MYBPC1: variants seen among roughly 807,000 people sequenced by gnomAD.
The protein encoded by MYBPC1 is myosin-binding protein C, slow-type.
Under a neutral mutation model 147.1 loss-of-function variants are expected in MYBPC1, and 52 were observed. The ratio of observed to expected loss-of-function variants is 0.35; its 90% CI spans 0.28 to 0.45. MYBPC1 has a LOEUF of 0.45. Ranked by LOEUF, MYBPC1 falls within the 20% of genes least tolerant of loss-of-function variation. The pLI is 1.00. For missense variants in MYBPC1, 1,228 were observed against 1,440.3 expected (o/e 0.85, Z 2.39); for synonymous variants, 477 against 475.9 (o/e 1.00, Z -0.03).
At chr12:101,682,894 T>G (rs1412198484) in intron 30 of MYBPC1, among the ~76,000 whole-genome samples, 1 of 152,190 alleles carries the variant, frequency 6.6e-6, no homozygotes, top group African/African-American at 2.4e-5. Flanking sequence ...ACCACAAGTC[T>G]CCATGAATAA....
At chr12:101,682,825 A>C (rs983962054) in intron 30 of MYBPC1, among the ~76,000 whole-genome samples, 163 bp downstream of exon 30, 3 of 152,198 alleles carry the variant, frequency 2.0e-5, no homozygotes, top group Non-Finnish European at 4.4e-5. Flanking sequence ...GGAAGGCCAA[A>C]TTATTCAAGG....
intron 1 of MYBPC1, among the ~76,000 whole-genome samples, chr12:101,600,854 A>T (rs73170771): frequency 3.9e-5 from 6 of 152,222 alleles, no homozygotes; most frequent in Non-Finnish European, 8.8e-5. Context: ...AAAGAACAGG[A>T]TTAAAGTTCT....
In MYBPC1 at chr12:101,665,816, A is replaced by G. The variant is rs116169330; in HGVS notation, c.2357-1916A>G. ...CTTTCTCATCCACTGTCTCTTGACT[A>G]TGAAAATACCAACACAGAAGCTCCC... is the stretch of plus-strand genomic sequence containing the variant. On this transcript the variant is annotated intron_variant, in intron 22 of 31. Coordinates refer to ENST00000361466, the MANE Select transcript of MYBPC1 (RefSeq NM_002465.4). Among the ~76,000 whole-genome samples the G allele has an allele frequency of 4.2e-3, 641 of 152,296 alleles. 11 individuals are homozygous for G. Among genetic ancestry groups the G allele is most frequent in the African/African-American group, 0.015 (612 of 41,560 alleles).
At chr12:101,668,210 A>G (rs930756777) in intron 23 of MYBPC1, among the ~76,000 whole-genome samples, 2 of 152,104 alleles carry the variant, frequency 1.3e-5, no homozygotes, top group African/African-American at 4.8e-5. Context: ...CATGCAAACA[A>G]TCCCTACGAC....
rs138070510 is a variant in MYBPC1, at chr12:101,654,927, A to C, written c.1767+1679A>C. Among the ~76,000 whole-genome samples, 26 of 152,344 alleles carry C rather than the reference A, an allele frequency of 1.7e-4. No homozygotes were observed. The East Asian group carries it at 4.6e-3, about 27-fold the overall frequency. The stretch of plus-strand genomic sequence containing the variant: ...TAAAAGATTCAATCAATTTCCAAAT[A>C]ATTTAATTGCATTTCAAAACAAAGC... On this transcript the variant is annotated intron_variant, in intron 18 of 31. Transcript: ENST00000361466.
rs755740971 is a variant in MYBPC1, at chr12:101,617,238, C to G, written c.98C>G (p.Ala33Gly). The G allele has an allele frequency of 1.2e-6, 2 of 1,613,798 alleles. No individual in the cohort carries two copies. Among genetic ancestry groups the G allele is most frequent in the Non-Finnish European group, 1.7e-6 (2 of 1,179,828 alleles). Residue 33 changes from alanine to glycine, a missense_variant, in exon 3 of 32, where the codon GCA (alanine) becomes GGA (glycine). Physicochemically the swap from Ala to Gly is moderately conservative, Grantham distance 60. Transcript: ENST00000361466. Reference sequence around the variant, plus strand: ...GAGAAGGAGGCCGGAACTACACCAGCAAAAGGTGAGTTGGAGGGAGGGAGA... The same window carrying G: ...GAGAAGGAGGCCGGAACTACACCAGGAAAAGGTGAGTTGGAGGGAGGGAGA... ...SKEKEAGTTP[A>G]KDEEEVSPPS...
chr12:101,620,678 A>G (rs1225331595), intron 3 of MYBPC1, among the ~76,000 whole-genome samples: 1 of 152,168 alleles, frequency 6.6e-6, no homozygotes. Context: ...GGCCCTGTGG[A>G]AAGTTCCGAA....
intron 3 of MYBPC1, among the ~76,000 whole-genome samples, chr12:101,623,990 G>T (rs1887999633): frequency 6.6e-6 from 1 of 152,120 alleles, no homozygotes; most frequent in Non-Finnish European, 1.5e-5. Flanking sequence ...AACTAAGTTT[G>T]GGAGGTGCTA....
chr12:101,655,509 G>T (rs1277958431), intron 18 of MYBPC1, among the ~76,000 whole-genome samples: 3 of 152,184 alleles, frequency 2.0e-5, no homozygotes, highest in Non-Finnish European at 4.4e-5. Flanking sequence ...CAGCTTAGAA[G>T]TTGCCACTCT....
Position 101,666,661 on chromosome 12 carries a change from CAG to C in MYBPC1, c.2357-1067_2357-1066del. ...TTGCACACTTTGCATACTTTACTAA[CAG>C]AGAATGCTGACTGCTGATACGATAT... is the stretch of plus-strand genomic sequence containing the variant. On this transcript the variant is annotated intron_variant, in intron 22 of 31. Coordinates refer to ENST00000361466, the MANE Select transcript of MYBPC1 (RefSeq NM_002465.4). 1.0e-5 allele frequency: 13 copies of C among 1,286,732 alleles called. No individual in the cohort carries two copies. In the South Asian group the frequency reaches 1.5e-4, roughly 15 times the overall value. 79.7% of individuals were successfully genotyped at this position (1,286,732 alleles called of 1,614,324 possible). A position where few individuals can be genotyped will look rare whatever the true frequency, so the allele number is the denominator to read the frequency against.
At chr12:101,633,188 A>G (rs1018354257) in intron 8 of MYBPC1, among the ~76,000 whole-genome samples, 1 of 152,126 alleles carries the variant, frequency 6.6e-6, no homozygotes, top group African/African-American at 2.4e-5. Context: ...TCTCGAGTAG[A>G]GTAACCAGGA....
chr12:101,644,824 T>C (rs1172125246), intron 12 of MYBPC1, 28 bp downstream of exon 12: 1 of 1,605,970 alleles, frequency 6.2e-7, no homozygotes, highest in Non-Finnish European at 8.5e-7. Context: ...AAATCAGTGA[T>C]AGCTCTACAG....
chr12:101,652,525 C>CCTCTCTCT (rs72257829), intron 16 of MYBPC1, among the ~76,000 whole-genome samples, 153 bp from the exon 17 acceptor site: 1 of 149,462 alleles, frequency 6.7e-6, no homozygotes, highest in Admixed American at 6.7e-5. Flanking sequence ...GGCTTCTCAT[C>CCTCTCTCT]CTCTCTCTCT....
At chr12:101,616,849 C>G (rs899767496) in intron 2 of MYBPC1, among the ~76,000 whole-genome samples, 13 of 152,190 alleles carry the variant, frequency 8.5e-5, no homozygotes, top group African/African-American at 3.1e-4. Flanking sequence ...AAGTCAGTCC[C>G]TTGCTGAGGT....
chr12:101,642,497 G>A lies in MYBPC1; in HGVS notation c.744G>A (p.Glu248=), dbSNP rs1462646187. The A allele has an allele frequency of 1.2e-6, 2 of 1,613,864 alleles. No homozygotes were observed. The highest frequency in any genetic ancestry group is 1.7e-6 in the Non-Finnish European group (2 of 1,179,986). ...AGAACGCGAAACCCAGTGAGTACGA[G>A]AAGATCGCCTTCCAGTATGGAATCA... ...LLKNAKPSEY[E]KIAFQYGITD... Residue 248 remains glutamate (E), a synonymous_variant, in exon 11 of 32, where the codon GAG becomes GAA. Transcript: ENST00000361466.
chr12:101,598,420 T>C (rs1299531634), intron 1 of MYBPC1, among the ~76,000 whole-genome samples: 1 of 152,176 alleles, frequency 6.6e-6, no homozygotes, highest in Non-Finnish European at 1.5e-5. Flanking sequence ...CGTGGCAGAA[T>C]CTCTGTTCAT....
chr12:101,633,793 T>C (rs1267673975), intron 8 of MYBPC1, among the ~76,000 whole-genome samples: 1 of 151,668 alleles, frequency 6.6e-6, no homozygotes, highest in Non-Finnish European at 1.5e-5. Context: ...TGGATGGCCA[T>C]GGGTCGGGTG....
chr12:101,675,673 A>G (rs1036717605), intron 26 of MYBPC1, among the ~76,000 whole-genome samples: 2 of 152,130 alleles, frequency 1.3e-5, no homozygotes, highest in African/African-American at 2.4e-5. Flanking sequence ...TTTGATCTCT[A>G]TTTTCCTCAT....
intron 23 of MYBPC1, among the ~76,000 whole-genome samples, chr12:101,669,605 G>C (rs781159681): frequency 6.6e-6 from 1 of 152,102 alleles, no homozygotes; most frequent in Admixed American, 6.5e-5. Flanking sequence ...TAGATCTTTC[G>C]TGGAATGTTC....
Sources: gnomAD v4.1 joint callset for allele counts (sites outside exome capture counted in the v4.1 genomes callset) on GRCh38, gnomAD v4.1.1 for gene constraint, MANE v1.5 for transcripts, NCBI Gene and HGNC (gene_info 2026-07-23, HGNC 2026-07-21) for gene names.